The following DNAJC16 variants were observed in gnomAD, a reference collection of about 807,000 sequenced individuals.
The protein encoded by DNAJC16 is DnaJ heat shock protein family (Hsp40) member C16, also known as dnaJ homolog subfamily C member 16.
In DNAJC16, 76 loss-of-function variants were observed where a neutral mutation model predicts 92.7. That is an observed-to-expected ratio of 0.82 (90% CI 0.68 to 0.99). The LOEUF is 0.99. DNAJC16 is among the 50% of genes least tolerant of loss of function. The pLI is 0.00. For missense variants in DNAJC16, 869 were observed against 942.4 expected, an observed-to-expected ratio of 0.92 and a Z score of 1.02; for synonymous variants, 328 against 358.7, an observed-to-expected ratio of 0.91 and a Z score of 0.97.
intron 6 of DNAJC16, 39 bp downstream of exon 6, chr1:15,546,910 C>CTTTTA: frequency 9.7e-7 from 1 of 1,034,732 alleles, no homozygotes; most frequent in Non-Finnish European, 1.3e-6. Flanking sequence ...TTTTTCTTTT[C>CTTTTA]TTTTCTTTTT....
chr1:15,545,672 G>A (rs911735292), intron 5 of DNAJC16, among the ~76,000 whole-genome samples: 6 of 152,294 alleles, frequency 3.9e-5, no homozygotes, highest in Admixed American at 2.6e-4. Context: ...GGGATGGAGA[G>A]GTTATTAGGA....
chr1:15,542,757 G>T (rs982541577), intron 4 of DNAJC16, among the ~76,000 whole-genome samples: 11 of 152,324 alleles, frequency 7.2e-5, no homozygotes, highest in Middle Eastern at 3.4e-3. Flanking sequence ...GTGTCTGCTG[G>T]AGGATTTATG....
chr1:15,554,794 C>T (rs1187799555), intron 7 of DNAJC16, among the ~76,000 whole-genome samples: 4 of 152,052 alleles, frequency 2.6e-5, no homozygotes, highest in Non-Finnish European at 5.9e-5. Context: ...AAAGGCAAAG[C>T]TATACGGCTT....
chr1:15,534,275 A>G lies in DNAJC16; in HGVS notation c.206A>G (p.Lys69Arg). Residue 69 changes from lysine to arginine, a missense_variant, in exon 3 of 15, where the codon AAG (lysine) becomes AGG (arginine). Coordinates refer to ENST00000375847, the MANE Select transcript of DNAJC16 (RefSeq NM_015291.4). ...AACAAAGATCCTGGAGCAGAAGACAAGTTCATTCAAATCAGTAAGGCTTAC... is the reference window on the plus strand; with the variant it reads ...AACAAAGATCCTGGAGCAGAAGACAGGTTCATTCAAATCAGTAAGGCTTAC... Reference protein sequence around the residue: ...DKNKDPGAEDKFIQISKAYEI... With the variant: ...DKNKDPGAEDRFIQISKAYEI... 1 of 1,614,126 alleles carries G rather than the reference A, an allele frequency of 6.2e-7. No individual in the cohort carries two copies. Among genetic ancestry groups the G allele is most frequent in the Non-Finnish European group, 8.5e-7 (1 of 1,179,994 alleles).
At chr1:15,556,956 C>T (rs546268623) in intron 7 of DNAJC16, among the ~76,000 whole-genome samples, 59 of 152,280 alleles carry the variant, frequency 3.9e-4, no homozygotes, top group African/African-American at 1.4e-3. Flanking sequence ...TCTGATTTTT[C>T]TTCTTTAATC....
At chr1:15,547,528 C>T (rs1638340078) in intron 6 of DNAJC16, among the ~76,000 whole-genome samples, 3 of 151,650 alleles carry the variant, frequency 2.0e-5, no homozygotes, top group Non-Finnish European at 1.5e-5. Context: ...CTGCAACCTC[C>T]GCCTACCGGG....
At chr1:15,543,414 T>C (rs977781841) in intron 4 of DNAJC16, among the ~76,000 whole-genome samples, 3 of 152,188 alleles carry the variant, frequency 2.0e-5, no homozygotes, top group African/African-American at 4.8e-5. Context: ...ACTGTCTTCA[T>C]AGCACAGCAA....
At chr1:15,550,071 G>A (rs1370407645) in intron 7 of DNAJC16, among the ~76,000 whole-genome samples, 1 of 152,310 alleles carries the variant, frequency 6.6e-6, no homozygotes, top group East Asian at 1.9e-4. Context: ...GATGACTGCT[G>A]TATGTAAAGT....
At chr1:15,559,400 C>A in intron 7 of DNAJC16, 126 bp from the exon 8 acceptor site, 1 of 1,303,086 alleles carries the variant, frequency 7.7e-7, no homozygotes, top group Non-Finnish European at 1.1e-6. Flanking sequence ...ACAGGTCTGT[C>A]TTGTTTGGTT....
At chr1:15,533,473 A>G (rs529032121) in intron 2 of DNAJC16, among the ~76,000 whole-genome samples, 196 of 152,240 alleles carry the variant, frequency 1.3e-3, no homozygotes, top group Non-Finnish European at 2.2e-3. Flanking sequence ...CTAAAAATAC[A>G]AAAATTAGCC....
intron 9 of DNAJC16, among the ~76,000 whole-genome samples, chr1:15,562,738 T>G (rs1638718459): frequency 1.3e-5 from 2 of 151,758 alleles, no homozygotes; most frequent in Admixed American, 1.3e-4. Flanking sequence ...TCCTCCCGCC[T>G]CCCAAAGTGC....
At chr1:15,552,700 T>TA (rs968365807) in intron 7 of DNAJC16, among the ~76,000 whole-genome samples, 9 of 151,812 alleles carry the variant, frequency 5.9e-5, no homozygotes, top group Non-Finnish European at 1.3e-4. Flanking sequence ...TTCTCATTTG[T>TA]ATATGAACCT....
chr1:15,540,441 C>A (rs1710907328), intron 4 of DNAJC16, among the ~76,000 whole-genome samples: 1 of 152,222 alleles, frequency 6.6e-6, no homozygotes, highest in Non-Finnish European at 1.5e-5. Context: ...CACACACGGG[C>A]ATGCCCAGCT....
At chr1:15,535,505 C>T (rs1377092584) in intron 3 of DNAJC16, among the ~76,000 whole-genome samples, 1 of 152,156 alleles carries the variant, frequency 6.6e-6, no homozygotes, top group Non-Finnish European at 1.5e-5. Context: ...AATCCCAGCA[C>T]TTGGGGAGGC....
Position 15,536,564 on chromosome 1 carries a change from A to G in DNAJC16, c.324A>G (p.Arg108=). The G allele has an allele frequency of 1.2e-6, 2 of 1,614,240 alleles. No homozygotes were observed. Among genetic ancestry groups the G allele is most frequent in the Non-Finnish European group, 1.7e-6 (2 of 1,180,042 alleles). The change falls in exon 4 of 15, where the codon CGA becomes CGG. Residue 108 remains arginine (R), a synonymous_variant. Coordinates refer to ENST00000375847, the MANE Select transcript of DNAJC16 (RefSeq NM_015291.4). ...GCTACCAGAAGCAGCAACAGCAGCGAGAGTATCGCTTCCGCCATTTCCATG... is the reference window on the plus strand; with the variant it reads ...GCTACCAGAAGCAGCAACAGCAGCGGGAGTATCGCTTCCGCCATTTCCATG... ...NQGYQKQQQQ[R]EYRFRHFHEN...
intron 7 of DNAJC16, among the ~76,000 whole-genome samples, chr1:15,550,559 A>T (rs546804538): frequency 6.6e-6 from 1 of 152,312 alleles, no homozygotes; most frequent in East Asian, 1.9e-4. Flanking sequence ...GGCTTTGAGG[A>T]ATAGTGTTGC....
At chr1:15,561,444 G>T (rs561504027) in intron 8 of DNAJC16, among the ~76,000 whole-genome samples, 41 of 152,316 alleles carry the variant, frequency 2.7e-4, no homozygotes, top group Admixed American at 1.4e-3. Context: ...CAGCACTTTG[G>T]GGGGCTGAGG....
chr1:15,548,255 A>C lies in DNAJC16; in HGVS notation c.865-15A>C. 2 of 1,612,734 alleles carry C rather than the reference A, an allele frequency of 1.2e-6. No individual in the cohort carries two copies. The highest frequency in any genetic ancestry group is 1.7e-6 in the Non-Finnish European group (2 of 1,179,308). On this transcript the variant is annotated splice_polypyrimidine_tract_variant and intron_variant, in intron 6 of 14. Coordinates refer to ENST00000375847, the MANE Select transcript of DNAJC16 (RefSeq NM_015291.4). ...CTGTAGTTTTATTTTCTTCCTCTCT[A>C]TTATGCCCTAACAGTTGACTGCCTT...
intron 11 of DNAJC16, among the ~76,000 whole-genome samples, chr1:15,564,959 C>T (rs1266879451): frequency 6.7e-6 from 1 of 150,340 alleles, no homozygotes; most frequent in African/African-American, 2.4e-5. Flanking sequence ...CTCAGCCTCC[C>T]GAGAAGCTGA....
Sources: allele counts gnomAD v4.1 joint callset (sites outside exome capture counted in the v4.1 genomes callset), GRCh38; gene constraint gnomAD v4.1.1; transcripts MANE v1.5; gene names NCBI Gene and HGNC (gene_info 2026-07-23, HGNC 2026-07-21).